The following RUNX2 variants were observed in gnomAD, a reference collection of about 807,000 sequenced individuals.
RUNX2 encodes the protein RUNX family transcription factor 2.
Under a neutral mutation model 51.7 loss-of-function variants are expected in RUNX2, and 10 were observed. The ratio of observed to expected loss-of-function variants is 0.19; its 90% CI spans 0.12 to 0.33. The LOEUF (loss-of-function observed/expected upper bound fraction) is 0.33. Ranked by LOEUF, RUNX2 falls within the 10% of genes least tolerant of loss-of-function variation. The probability of loss-of-function intolerance (pLI) is 1.00; values close to 1 mark genes in which losing one functional copy is unlikely to be tolerated. For synonymous variants in RUNX2, 276 were observed against 273.6 expected, an observed-to-expected ratio of 1.01 and a Z score of -0.09; for missense variants, 562 against 691.3, an observed-to-expected ratio of 0.81 and a Z score of 2.10.
intron 7 of RUNX2, among the ~76,000 whole-genome samples, chr6:45,530,851 A>C: frequency 6.6e-6 from 1 of 152,230 alleles, no homozygotes; most frequent in South Asian, 2.1e-4. Context: ...AGACAAATTA[A>C]GTGCAGGGGA....
intron 6 of RUNX2, among the ~76,000 whole-genome samples, chr6:45,509,721 G>A (rs967605266): frequency 2.0e-5 from 3 of 152,188 alleles, no homozygotes; most frequent in East Asian, 1.9e-4. Context: ...GTACTGAGCC[G>A]CCTTTCTGCA....
At chr6:45,527,737 G>C (rs1323108040) in intron 7 of RUNX2, among the ~76,000 whole-genome samples, 1 of 152,134 alleles carries the variant, frequency 6.6e-6, no homozygotes, top group Non-Finnish European at 1.5e-5. Context: ...TGTTTTGTTT[G>C]ACTGAAAATT....
chr6:45,471,146 T>C (rs899732688), intron 5 of RUNX2, among the ~76,000 whole-genome samples: 5 of 152,154 alleles, frequency 3.3e-5, no homozygotes, highest in African/African-American at 9.7e-5. Flanking sequence ...CTGCATTTTT[T>C]CCCATTCTTT....
intron 7 of RUNX2, among the ~76,000 whole-genome samples, chr6:45,526,020 C>A (rs1029146273): frequency 2.6e-5 from 4 of 151,842 alleles, no homozygotes; most frequent in African/African-American, 9.7e-5. Flanking sequence ...ATACCACCAT[C>A]AATAATAACA....
At chr6:45,458,258 C>G (rs970757602) in intron 5 of RUNX2, among the ~76,000 whole-genome samples, 2 of 152,118 alleles carry the variant, frequency 1.3e-5, no homozygotes, top group Non-Finnish European at 2.9e-5. Flanking sequence ...AACTCCCGAC[C>G]TCAGGTGATC....
At chr6:45,341,976 G>C (rs752901931) in intron 2 of RUNX2, among the ~76,000 whole-genome samples, 1 of 151,858 alleles carries the variant, frequency 6.6e-6, no homozygotes, top group Non-Finnish European at 1.5e-5. Flanking sequence ...ATAACATGGT[G>C]ATTTAGTAGT....
intron 7 of RUNX2, among the ~76,000 whole-genome samples, chr6:45,532,162 A>ATTTTTTTTTTTTTTTTTT (rs3055521): frequency 5.9e-5 from 5 of 85,120 alleles, no homozygotes; most frequent in Non-Finnish European, 8.8e-5. Flanking sequence ...GAAAACCTAG[A>ATTTTTTTTTTTTTTTTTT]TTTTTTTTTT....
intron 5 of RUNX2, among the ~76,000 whole-genome samples, chr6:45,443,332 T>C (rs1798896130): frequency 6.6e-6 from 1 of 152,254 alleles, no homozygotes; most frequent in Non-Finnish European, 1.5e-5. Flanking sequence ...ATTATAGGTG[T>C]GAGCCACTGC....
chr6:45,476,295 A>G (rs768074945), intron 5 of RUNX2, among the ~76,000 whole-genome samples: 9 of 152,324 alleles, frequency 5.9e-5, no homozygotes, highest in South Asian at 2.1e-4. Context: ...TGGTAGGATA[A>G]GTGGTCAGCT....
chr6:45,498,431 A>C (rs1229934744), intron 6 of RUNX2, among the ~76,000 whole-genome samples: 6 of 152,196 alleles, frequency 3.9e-5, no homozygotes, highest in Non-Finnish European at 8.8e-5. Context: ...TCTAAGTGAC[A>C]TGTGTCCTGC....
rs1801246788 is a variant in RUNX2 at position 45,514,073 on chromosome 6, C to T, written c.1021+1666C>T. On this transcript the variant is annotated intron_variant, in intron 7 of 8. Transcript: ENST00000647337. ...CCCTGGGGCTTCCATCTGCCCAACC[C>T]ACTGTGGCTGAAGCAGATTTTGCTG... Among the ~76,000 whole-genome samples, 5 of 152,106 alleles carry T rather than the reference C, an allele frequency of 3.3e-5. No individual in the cohort carries two copies. In the South Asian group the frequency reaches 1.0e-3, roughly 32 times the overall value.
intron 2 of RUNX2, among the ~76,000 whole-genome samples, chr6:45,366,602 C>CT (rs1362788538): frequency 6.6e-6 from 1 of 152,026 alleles, no homozygotes; most frequent in African/African-American, 2.4e-5. Context: ...ATGTATTACC[C>CT]TTTTTTTCAC....
Position 45,349,653 on chromosome 6 carries a change from G to T in RUNX2, c.58+20869G>T, listed in dbSNP as rs372261550. On this transcript the variant is annotated intron_variant, in intron 2 of 8. Coordinates refer to ENST00000647337, the MANE Select transcript of RUNX2 (RefSeq NM_001024630.4). ...GAAGATTCATTTTTTTAAGTCATAGGTTGTTTCACTGGTTTTCATCAATTT... is the reference window on the plus strand; with the variant it reads ...GAAGATTCATTTTTTTAAGTCATAGTTTGTTTCACTGGTTTTCATCAATTT... Among the ~76,000 whole-genome samples the T allele has an allele frequency of 2.6e-5, 4 of 152,244 alleles. No homozygotes were observed. In the Middle Eastern group the frequency reaches 0.01, roughly 388 times the overall value.
chr6:45,341,226 G>A (rs574511909), intron 2 of RUNX2, among the ~76,000 whole-genome samples: 2 of 152,232 alleles, frequency 1.3e-5, no homozygotes, highest in Admixed American at 6.5e-5. Flanking sequence ...CAGAGGGTAG[G>A]AATAAAGCTA....
intron 5 of RUNX2, among the ~76,000 whole-genome samples, chr6:45,475,146 C>T (rs1017699323): frequency 6.7e-6 from 1 of 148,928 alleles, no homozygotes; most frequent in Non-Finnish European, 1.5e-5. Flanking sequence ...AAAAAAGAAG[C>T]TTAATCTGTT....
chr6:45,415,949 A>G (rs1484776163), intron 2 of RUNX2, among the ~76,000 whole-genome samples: 1 of 152,232 alleles, frequency 6.6e-6, no homozygotes, highest in Non-Finnish European at 1.5e-5. Context: ...GATCCTGCCA[A>G]TAACGAAGAT....
intron 2 of RUNX2, among the ~76,000 whole-genome samples, chr6:45,338,250 T>C (rs1356438224): frequency 2.0e-5 from 3 of 152,066 alleles, no homozygotes; most frequent in African/African-American, 7.2e-5. Context: ...ATTTGCTAAC[T>C]TAAACATCAC....
chr6:45,373,185 G>A (rs1166979983), intron 2 of RUNX2, among the ~76,000 whole-genome samples: 6 of 151,986 alleles, frequency 3.9e-5, no homozygotes, highest in Non-Finnish European at 8.8e-5. Flanking sequence ...CAAGCAACCC[G>A]GGCCTGTCTT....
chr6:45,491,795 A>G, intron 5 of RUNX2, 146 bp from the exon 6 acceptor site: 1 of 838,830 alleles, frequency 1.2e-6, no homozygotes, highest in South Asian at 1.5e-5. Context: ...TTGAAATGGA[A>G]GGCATTATGT....
Sources: allele counts gnomAD v4.1 joint callset (sites outside exome capture counted in the v4.1 genomes callset), GRCh38; gene constraint gnomAD v4.1.1; transcripts MANE v1.5; gene names NCBI Gene and HGNC (gene_info 2026-07-23, HGNC 2026-07-21).